Variants in HS2ST1 observed in about 807,000 individuals in gnomAD.
HS2ST1 encodes heparan sulfate 2-O-sulfotransferase 1, also known as 2-O-sulfotransferase.
HS2ST1 carries 18 observed loss-of-function variants against 42.9 expected under a neutral mutation model. The observed-to-expected ratio is 0.42, with a 90% CI of 0.29 to 0.62. The LOEUF (loss-of-function observed/expected upper bound fraction) is 0.62, where lower values mean the gene tolerates loss of function less well. Ranked by LOEUF, HS2ST1 falls within the 20% of genes least tolerant of loss-of-function variation. The pLI, the probability that HS2ST1 is intolerant of heterozygous loss-of-function variation, is 0.21. For synonymous variants in HS2ST1, 146 were observed against 152.9 expected, an observed-to-expected ratio of 0.95 and a Z score of 0.33; for missense variants, 334 against 433.8, an observed-to-expected ratio of 0.77 and a Z score of 2.04.
intron 1 of HS2ST1, among the ~76,000 whole-genome samples, chr1:87,026,372 T>A (rs919227205): frequency 6.6e-6 from 1 of 152,202 alleles, no homozygotes; most frequent in African/African-American, 2.4e-5. Flanking sequence ...AGTGCAGGCA[T>A]TAGGTAAATT....
chr1:87,057,076 A>G (rs1261258507), intron 1 of HS2ST1, among the ~76,000 whole-genome samples: 1 of 152,232 alleles, frequency 6.6e-6, no homozygotes, highest in Non-Finnish European at 1.5e-5. Context: ...GTTGTCTTCT[A>G]TTAAGCCAGA....
chr1:87,073,236 C>G, intron 2 of HS2ST1, 64 bp downstream of exon 2: 1 of 1,130,516 alleles, frequency 8.8e-7, no homozygotes, highest in Non-Finnish European at 1.3e-6. Flanking sequence ...TTTTCTAGCT[C>G]AAGGGGATAA....
chr1:86,979,762 C>T (rs1043898775), intron 1 of HS2ST1, among the ~76,000 whole-genome samples: 1 of 152,158 alleles, frequency 6.6e-6, no homozygotes, highest in Non-Finnish European at 1.5e-5. Context: ...TTCTATCTTT[C>T]ACTTTTTGAG....
intron 1 of HS2ST1, among the ~76,000 whole-genome samples, chr1:86,948,087 A>G (rs766553027): frequency 6.6e-6 from 1 of 151,984 alleles, no homozygotes; most frequent in Non-Finnish European, 1.5e-5. Flanking sequence ...CTTACCATAT[A>G]TGAAGCTTTC....
At chr1:87,064,971 T>TA (rs1333178968) in intron 1 of HS2ST1, among the ~76,000 whole-genome samples, 1 of 152,198 alleles carries the variant, frequency 6.6e-6, no homozygotes, top group Admixed American at 6.5e-5. Flanking sequence ...CTGGCCAGGC[T>TA]AACAATACTC....
chr1:87,005,307 A>G (rs1453311346), intron 1 of HS2ST1, among the ~76,000 whole-genome samples: 2 of 152,140 alleles, frequency 1.3e-5, no homozygotes, highest in Non-Finnish European at 2.9e-5. Flanking sequence ...TTATCCTCCA[A>G]TTTTCCTAAA....
chr1:86,985,553 T>TATAC (rs142198914), intron 1 of HS2ST1, among the ~76,000 whole-genome samples: 1 of 37,408 alleles, frequency 2.7e-5, no homozygotes, highest in South Asian at 1.4e-3. Flanking sequence ...CACATATATA[T>TATAC]ACACACACAC....
intron 1 of HS2ST1, among the ~76,000 whole-genome samples, chr1:87,042,099 C>T (rs973665723): frequency 6.6e-6 from 1 of 152,046 alleles, no homozygotes; most frequent in Non-Finnish European, 1.5e-5. Flanking sequence ...CTTCCTATAC[C>T]TGTTAGTCAT....
chr1:87,043,770 T>G (rs529443567), intron 1 of HS2ST1, among the ~76,000 whole-genome samples: 1 of 152,242 alleles, frequency 6.6e-6, no homozygotes, highest in South Asian at 2.1e-4. Context: ...TATATCAGCT[T>G]TAGTATTTAT....
chr1:86,976,843 A>G (rs1648424614), intron 1 of HS2ST1, among the ~76,000 whole-genome samples: 1 of 151,244 alleles, frequency 6.6e-6, no homozygotes. Flanking sequence ...GGCCAAGGCC[A>G]GAGGACCCCT....
At chr1:87,029,528 A>G (rs1316268257) in intron 1 of HS2ST1, among the ~76,000 whole-genome samples, 1 of 152,218 alleles carries the variant, frequency 6.6e-6, no homozygotes, top group Non-Finnish European at 1.5e-5. Context: ...ATGAGAGACA[A>G]AATTGTACAA....
intron 5 of HS2ST1, among the ~76,000 whole-genome samples, chr1:87,098,686 T>C (rs1652127854): frequency 6.6e-6 from 1 of 152,254 alleles, no homozygotes; most frequent in Admixed American, 6.5e-5. Context: ...TGGAAGCCTA[T>C]AAAGAATGCC....
intron 1 of HS2ST1, among the ~76,000 whole-genome samples, chr1:86,915,511 C>A (rs1465947957): frequency 6.6e-6 from 1 of 152,138 alleles, no homozygotes; most frequent in African/African-American, 2.4e-5. Flanking sequence ...CGCTTAGCAT[C>A]GCGTGTTCTC....
At chr1:86,972,901 C>G (rs865799162) in intron 1 of HS2ST1, among the ~76,000 whole-genome samples, 1 of 152,180 alleles carries the variant, frequency 6.6e-6, no homozygotes, top group Non-Finnish European at 1.5e-5. Context: ...AATAGTTCTG[C>G]AGACTTTTTG....
intron 3 of HS2ST1, among the ~76,000 whole-genome samples, chr1:87,085,253 A>G (rs559358233): frequency 1.3e-5 from 2 of 152,288 alleles, no homozygotes; most frequent in East Asian, 1.9e-4. Context: ...TAAATTAGCT[A>G]TTATGATTTC....
At chr1:86,967,894 G>C (rs976355275) in intron 1 of HS2ST1, among the ~76,000 whole-genome samples, 2 of 152,146 alleles carry the variant, frequency 1.3e-5, no homozygotes, top group African/African-American at 4.8e-5. Flanking sequence ...CATAGAGGCT[G>C]CACTAATTAA....
At chr1:87,062,341 T>TTA (rs1424962561) in intron 1 of HS2ST1, among the ~76,000 whole-genome samples, 5 of 152,134 alleles carry the variant, frequency 3.3e-5, no homozygotes, top group Admixed American at 3.3e-4. Context: ...TTTAATGTCT[T>TTA]TATATAGTCT....
chr1:86,944,994 A>G (rs917486498), intron 1 of HS2ST1, among the ~76,000 whole-genome samples: 2 of 151,966 alleles, frequency 1.3e-5, no homozygotes, highest in Non-Finnish European at 2.9e-5. Context: ...TCTACTTTCT[A>G]TGAAACTAGT....
intron 1 of HS2ST1, among the ~76,000 whole-genome samples, chr1:86,957,895 A>G (rs111511771): frequency 2.2e-4 from 33 of 151,640 alleles, no homozygotes; most frequent in African/African-American, 3.9e-4. Context: ...CCCGGGTTCA[A>G]CGTTTCTCCT....
Sources: allele counts gnomAD v4.1 joint callset (sites outside exome capture counted in the v4.1 genomes callset), GRCh38; gene constraint gnomAD v4.1.1; transcripts MANE v1.5; gene names NCBI Gene and HGNC (gene_info 2026-07-23, HGNC 2026-07-21).